Variants in HECW2 observed in about 807,000 individuals in gnomAD.
HECW2 encodes E3 ubiquitin-protein ligase HECW2.
HECW2 carries 61 observed loss-of-function variants against 175.2 expected under a neutral mutation model. That is an observed-to-expected ratio of 0.35 (90% confidence interval 0.28 to 0.43). The LOEUF is 0.43. HECW2 is among the 20% of genes least tolerant of loss of function. The pLI, the probability that HECW2 is intolerant of heterozygous loss-of-function variation, is 1.00. For missense variants in HECW2, 1,524 were observed against 2,000.5 expected (o/e 0.76, Z 4.54); for synonymous variants, 671 against 731.0 (o/e 0.92, Z 1.32).
chr2:196,482,270 C>A (rs1686867199), intron 1 of HECW2, among the ~76,000 whole-genome samples: 1 of 152,228 alleles, frequency 6.6e-6, no homozygotes, highest in South Asian at 2.1e-4. Context: ...CTATAGGGCT[C>A]CCCCTTCTGC....
intron 1 of HECW2, among the ~76,000 whole-genome samples, chr2:196,526,075 T>C (rs1234071816): frequency 3.9e-5 from 2 of 51,490 alleles, no homozygotes; most frequent in Non-Finnish European, 7.5e-5. Flanking sequence ...CAGAGTGTTT[T>C]CCAACTTGGT....
Position 196,402,200 on chromosome 2 carries a change from CAAAAAAAAAAAAAAAA to C in HECW2, c.292+30916_292+30931del, listed in dbSNP as rs55851966. 8.5e-5 allele frequency among the ~76,000 whole-genome samples: 6 copies of C among 70,346 alleles called. 1 individual carries two copies. Among genetic ancestry groups the C allele is most frequent in the Non-Finnish European group, 1.3e-4 (5 of 38,296 alleles). The allele number at this position is 70,346 out of a possible 152,430, so 46.1% of individuals were successfully genotyped here. A position where few individuals can be genotyped will look rare whatever the true frequency, so the allele number is the denominator to read the frequency against. On this transcript the variant is annotated intron_variant, in intron 2 of 28. Transcript: ENST00000644978. ...TGGGCAACAGAGTGAGACTCTGTCT[CAAAAAAAAAAAAAAAA>C]AAAAAAAAAAGAGGGAAACTTGCCA... is the stretch of plus-strand genomic sequence containing the variant.
chr2:196,511,107 A>G (rs940130853), intron 1 of HECW2, among the ~76,000 whole-genome samples: 6 of 152,330 alleles, frequency 3.9e-5, no homozygotes, highest in Middle Eastern at 6.8e-3. Flanking sequence ...CTGGGATTAC[A>G]AGTGTGCACC....
chr2:196,347,950 A>G (rs1693020163), intron 2 of HECW2, among the ~76,000 whole-genome samples: 1 of 152,284 alleles, frequency 6.6e-6, no homozygotes, highest in African/African-American at 2.4e-5. Flanking sequence ...AAATAAGTTT[A>G]GGGACACAGA....
intron 1 of HECW2, among the ~76,000 whole-genome samples, chr2:196,542,196 G>A (rs1260117391): frequency 1.3e-5 from 2 of 150,740 alleles, no homozygotes; most frequent in South Asian, 2.1e-4. Context: ...CCCGGGAAGC[G>A]AAGGTTGCAG....
chr2:196,521,983 T>A (rs1447567996), intron 1 of HECW2, among the ~76,000 whole-genome samples: 3 of 152,150 alleles, frequency 2.0e-5, no homozygotes, highest in Non-Finnish European at 4.4e-5. Flanking sequence ...TTTATAGTCC[T>A]TTGGGTATAT....
intron 2 of HECW2, 75 bp from the exon 3 acceptor site, chr2:196,343,839 C>A: frequency 4.3e-6 from 4 of 934,102 alleles, no homozygotes; most frequent in South Asian, 1.4e-5. Flanking sequence ...AACATAAGTT[C>A]TAAAATAAAT....
At chr2:196,486,043 C>A (rs1020655847) in intron 1 of HECW2, among the ~76,000 whole-genome samples, 31 of 152,168 alleles carry the variant, frequency 2.0e-4, no homozygotes, top group Non-Finnish European at 4.1e-4. Context: ...AATTTCCCCA[C>A]TATATCTCAC....
chr2:196,311,013 A>G (rs1010221494), intron 10 of HECW2, among the ~76,000 whole-genome samples: 2 of 152,320 alleles, frequency 1.3e-5, no homozygotes, highest in South Asian at 2.1e-4. Flanking sequence ...ACCTAGTAAC[A>G]TTTTATGTCT....
At chr2:196,534,981 T>A (rs541852828) in intron 1 of HECW2, among the ~76,000 whole-genome samples, 9 of 151,828 alleles carry the variant, frequency 5.9e-5, no homozygotes, top group African/African-American at 2.2e-4. Flanking sequence ...CCAACTAATC[T>A]ATGTCCCCTT....
At chr2:196,280,642 G>C (rs1161027723) in intron 14 of HECW2, among the ~76,000 whole-genome samples, 1 of 152,130 alleles carries the variant, frequency 6.6e-6, no homozygotes, top group East Asian at 1.9e-4. Flanking sequence ...CACTAACCTT[G>C]AGTGAAACAT....
intron 4 of HECW2, 85 bp from the exon 5 acceptor site, chr2:196,329,735 G>T (rs1307569576): frequency 2.2e-5 from 24 of 1,094,486 alleles, no homozygotes; most frequent in Non-Finnish European, 8.3e-6. Flanking sequence ...GTTCCTAAAT[G>T]CAATGATTTT....
chr2:196,553,833 T>G (rs1386971472), intron 1 of HECW2, among the ~76,000 whole-genome samples: 1 of 148,628 alleles, frequency 6.7e-6, no homozygotes, highest in African/African-American at 2.6e-5. Context: ...CTCAGTAATA[T>G]CCAATCAGTA....
chr2:196,324,044 G>A (rs942998410), intron 6 of HECW2, among the ~76,000 whole-genome samples: 1 of 150,530 alleles, frequency 6.6e-6, no homozygotes, highest in Non-Finnish European at 1.5e-5. Flanking sequence ...TTGCTGTGTT[G>A]GCAAGTCTCA....
rs767859910 is a variant in HECW2, at chr2:196,402,090, A to ACTCGGGAGGCTGAGG, written c.292+31027_292+31041dup. 3.1e-3 allele frequency among the ~76,000 whole-genome samples: 466 copies of ACTCGGGAGGCTGAGG among 149,696 alleles called. 2 individuals carry two copies. The highest frequency in any genetic ancestry group is 5.1e-3 in the Non-Finnish European group (342 of 67,586). On this transcript the variant is annotated intron_variant, in intron 2 of 28. Transcript: ENST00000644978. ...GTGGCGGGCGCCTGTAGTCCCAGCT[A>ACTCGGGAGGCTGAGG]CTCGGGAGGCTGAGGCAGGAGAATG...
chr2:196,541,751 C>A (rs908699467), intron 1 of HECW2, among the ~76,000 whole-genome samples: 5 of 150,678 alleles, frequency 3.3e-5, no homozygotes, highest in African/African-American at 1.2e-4. Context: ...TTGTTGCTTT[C>A]ATTCCAAAAC....
Position 196,519,372 on chromosome 2 carries a change from A to T in HECW2, c.-36+74136T>A, listed in dbSNP as rs938102494. Among the ~76,000 whole-genome samples, 5 of 152,170 alleles carry T rather than the reference A, an allele frequency of 3.3e-5. No individual in the cohort carries two copies. The East Asian group carries it at 7.7e-4, about 23-fold the overall frequency. ...ATGTACTCAACAAACTGCACCAAAA[A>T]TAAATAAATAAATAAATAAACAGAA... On this transcript the variant is annotated intron_variant, in intron 1 of 28. Coordinates refer to ENST00000644978, the MANE Select transcript of HECW2 (RefSeq NM_001348768.2).
intron 1 of HECW2, among the ~76,000 whole-genome samples, chr2:196,589,732 C>T (rs1297971860): frequency 6.6e-6 from 1 of 152,182 alleles, no homozygotes; most frequent in Non-Finnish European, 1.5e-5. Flanking sequence ...TGCATTCCTA[C>T]CTCTAAGAGC....
At chr2:196,554,908 C>CA (rs1274096282) in intron 1 of HECW2, among the ~76,000 whole-genome samples, 4 of 151,950 alleles carry the variant, frequency 2.6e-5, no homozygotes, top group African/African-American at 9.7e-5. Context: ...AACAAGAGAC[C>CA]AAAAAATCCC....
Sources: allele counts gnomAD v4.1 joint callset (sites outside exome capture counted in the v4.1 genomes callset), GRCh38; gene constraint gnomAD v4.1.1; transcripts MANE v1.5; gene names NCBI Gene and HGNC (gene_info 2026-07-23, HGNC 2026-07-21).